The following NPEPPS variants were observed in gnomAD, a reference collection of about 807,000 sequenced individuals.
NPEPPS encodes aminopeptidase puromycin sensitive, also known as puromycin-sensitive aminopeptidase.
Under a neutral mutation model 115.5 loss-of-function variants are expected in NPEPPS, and 14 were observed. The ratio of observed to expected loss-of-function variants is 0.12; its 90% CI spans 0.08 to 0.19. NPEPPS has a LOEUF of 0.19. Ranked by LOEUF, NPEPPS falls within the 10% of genes least tolerant of loss-of-function variation. NPEPPS has a pLI of 1.00. For synonymous variants in NPEPPS, 285 were observed against 390.6 expected (o/e 0.73, Z 3.19); for missense variants, 523 against 1,110.8 (o/e 0.47, Z 7.52).
At chr17:47,559,712 A>T (rs1442454895) in intron 2 of NPEPPS, 1 of 452,434 alleles carries the variant, frequency 2.2e-6, no homozygotes, top group Admixed American at 2.4e-5. Flanking sequence ...TTTTGGTTTC[A>T]AGCCCAAAGG....
chr17:47,619,658 A>AC, intron 21 of NPEPPS, 79 bp from the exon 22 acceptor site: 2 of 1,162,764 alleles, frequency 1.7e-6, no homozygotes, highest in Non-Finnish European at 2.6e-6. Flanking sequence ...AGAGAACAGA[A>AC]TGATTTATTT....
intron 3 of NPEPPS, among the ~76,000 whole-genome samples, chr17:47,570,365 T>G (rs902649703): frequency 6.6e-6 from 1 of 152,188 alleles, no homozygotes; most frequent in Non-Finnish European, 1.5e-5. Flanking sequence ...GAGGTTGCAG[T>G]GAACCGAGAT....
chr17:47,532,634 G>A (rs1488560860), intron 1 of NPEPPS, among the ~76,000 whole-genome samples: 1 of 148,398 alleles, frequency 6.7e-6, no homozygotes, highest in Non-Finnish European at 1.5e-5. Flanking sequence ...ATTCCAGCCT[G>A]GGCGACAGAG....
chr17:47,543,131 G>A (rs148356814), intron 1 of NPEPPS, among the ~76,000 whole-genome samples: 2,549 of 144,890 alleles, frequency 0.018, 40 homozygotes, highest in Non-Finnish European at 0.027. Context: ...GGGCGAGAGA[G>A]CGAGACTCCA....
intron 10 of NPEPPS, among the ~76,000 whole-genome samples, chr17:47,591,574 T>C (rs1252914739): frequency 6.6e-6 from 1 of 152,212 alleles, no homozygotes; most frequent in Admixed American, 6.5e-5. Context: ...GTTATAATGC[T>C]ACTTCAACAT....
intron 1 of NPEPPS, among the ~76,000 whole-genome samples, chr17:47,544,877 T>C (rs1303221008): frequency 1.3e-5 from 2 of 149,154 alleles, no homozygotes; most frequent in Non-Finnish European, 3.0e-5. Context: ...CAGACCTGGC[T>C]AATTTTTAGT....
intron 1 of NPEPPS, among the ~76,000 whole-genome samples, chr17:47,541,714 G>T (rs919395347): frequency 2.0e-5 from 3 of 152,124 alleles, no homozygotes; most frequent in Admixed American, 6.6e-5. Context: ...AATAGGCAAA[G>T]AATTCTTTTT....
At chr17:47,603,671 C>T (rs1022674805) in intron 15 of NPEPPS, 6 of 356,126 alleles carry the variant, frequency 1.7e-5, no homozygotes, top group South Asian at 7.3e-5. Flanking sequence ...TTATTTTGTC[C>T]CTTCCTTGTT....
chr17:47,546,347 G>A (rs1167853602), intron 2 of NPEPPS, among the ~76,000 whole-genome samples: 6 of 151,954 alleles, frequency 3.9e-5, no homozygotes, highest in Admixed American at 3.9e-4. Flanking sequence ...GATCTATTGA[G>A]CCCAGGTGGC....
chr17:47,587,832 C>CGTTT (rs1912283010), intron 9 of NPEPPS, among the ~76,000 whole-genome samples: 2 of 151,492 alleles, frequency 1.3e-5, no homozygotes, highest in Admixed American at 1.3e-4. Flanking sequence ...TAAAAGTAAA[C>CGTTT]AAACTGCAGA....
intron 2 of NPEPPS, among the ~76,000 whole-genome samples, chr17:47,567,285 A>G (rs1597845144): frequency 6.6e-6 from 1 of 152,368 alleles, no homozygotes; most frequent in East Asian, 1.9e-4. Flanking sequence ...ATCTGAAATT[A>G]CAGTTTCTTA....
Position 47,557,541 on chromosome 17 carries a change from C to T in NPEPPS, c.340+11548C>T, listed in dbSNP as rs1237760022. 3 of 149,146 alleles carry T rather than the reference C, an allele frequency of 2.0e-5. 1 individual carries two copies. Among genetic ancestry groups the T allele is most frequent in the African/African-American group, 4.9e-5 (2 of 41,220 alleles). 9.2% of individuals were successfully genotyped at this position (149,146 alleles called of 1,614,324 possible). A position where few individuals can be genotyped will look rare whatever the true frequency, so the allele number is the denominator to read the frequency against. ...AAAAAAACAAAAAACAAACAGAAGT[C>T]TTGAGATGGATGTTTGGCTTATTAC... is the stretch of plus-strand genomic sequence containing the variant. On this transcript the variant is annotated intron_variant, in intron 2 of 22. Transcript: ENST00000322157.
At position 47,596,476 on chromosome 17, in the gene NPEPPS, G is replaced by A. The variant is rs1339698689; in HGVS notation, c.1536+14G>A. Reference sequence around the variant, plus strand: ...GAAGCTGAACAGGTAAACATATAAAGTCTTTCCATTTGTCTGATATTGTAT... The same window carrying A: ...GAAGCTGAACAGGTAAACATATAAAATCTTTCCATTTGTCTGATATTGTAT... On this transcript the variant is annotated intron_variant, in intron 13 of 22. Coordinates refer to ENST00000322157, the MANE Select transcript of NPEPPS (RefSeq NM_006310.4). The A allele has an allele frequency of 1.3e-6, 2 of 1,491,190 alleles. No individual in the cohort carries two copies. The highest frequency in any genetic ancestry group is 2.4e-5 in the East Asian group (1 of 42,114). 92.4% of individuals were successfully genotyped at this position (1,491,190 alleles called of 1,614,324 possible). A position where few individuals can be genotyped will look rare whatever the true frequency, so the allele number is the denominator to read the frequency against.
chr17:47,592,650 TAATA>T, intron 12 of NPEPPS, 105 bp downstream of exon 12: 1 of 1,044,180 alleles, frequency 9.6e-7, no homozygotes, highest in South Asian at 1.7e-5. Flanking sequence ...AGGATCCATG[TAATA>T]AATAAATTAG....
rs1353432446 is a variant in NPEPPS, at chr17:47,544,055, C to T, written c.256-1854C>T. Among the ~76,000 whole-genome samples, 13 of 152,184 alleles carry T rather than the reference C, an allele frequency of 8.5e-5. No homozygotes were observed. In the East Asian group the frequency reaches 1.5e-3, roughly 18 times the overall value. On this transcript the variant is annotated intron_variant, in intron 1 of 22. Coordinates refer to ENST00000322157, the MANE Select transcript of NPEPPS (RefSeq NM_006310.4). Reference sequence around the variant, plus strand: ...GACTACAGGCACCTGCCACCATGCCCGGCTCATTTTTTGTATTTTTAGTAG... The same window carrying T: ...GACTACAGGCACCTGCCACCATGCCTGGCTCATTTTTTGTATTTTTAGTAG...
chr17:47,566,151 G>T (rs532855610), intron 2 of NPEPPS, among the ~76,000 whole-genome samples: 1 of 152,154 alleles, frequency 6.6e-6, no homozygotes, highest in East Asian at 1.9e-4. Flanking sequence ...GTGTCACCAC[G>T]TATGACTAAT....
intron 15 of NPEPPS, among the ~76,000 whole-genome samples, chr17:47,602,490 T>C (rs989422145): frequency 1.3e-5 from 2 of 151,752 alleles, no homozygotes; most frequent in Non-Finnish European, 2.9e-5. Context: ...AAAAAAAAAT[T>C]AGCTAGTCGT....
chr17:47,573,875 T>A (rs1911346851), intron 3 of NPEPPS, among the ~76,000 whole-genome samples: 1 of 152,188 alleles, frequency 6.6e-6, no homozygotes, highest in Non-Finnish European at 1.5e-5. Context: ...ATTATTTTGA[T>A]AGAAATTTAA....
intron 2 of NPEPPS, among the ~76,000 whole-genome samples, chr17:47,550,089 C>T (rs1909531180): frequency 6.6e-6 from 1 of 151,252 alleles, no homozygotes; most frequent in African/African-American, 2.4e-5. Flanking sequence ...CGCACGCTGC[C>T]ACGCCCAGCT....
Sources: allele counts gnomAD v4.1 joint callset (sites outside exome capture counted in the v4.1 genomes callset), GRCh38; gene constraint gnomAD v4.1.1; transcripts MANE v1.5; gene names NCBI Gene and HGNC (gene_info 2026-07-23, HGNC 2026-07-21).